The following FHDC1 variants were observed in gnomAD, a reference collection of about 807,000 sequenced individuals.
FHDC1 encodes the protein FH2 domain-containing protein 1.
In FHDC1, 25 loss-of-function variants were observed where a neutral mutation model predicts 52.6. That is an observed-to-expected ratio of 0.48 (90% CI 0.35 to 0.66). The LOEUF is 0.66. FHDC1 is among the 30% of genes least tolerant of loss of function. The pLI, the probability that FHDC1 is intolerant of heterozygous loss-of-function variation, is 0.01. For synonymous variants in FHDC1, 616 were observed against 581.5 expected (o/e 1.06, Z -0.85); for missense variants, 1,459 against 1,452.8 (o/e 1.00, Z -0.07).
the FHDC1 span, among the ~76,000 whole-genome samples, chr4:152,916,799 G>T: frequency 6.6e-6 from 1 of 152,180 alleles, no homozygotes; most frequent in Non-Finnish European, 1.5e-5. Context: ...TGTCAATAAA[G>T]AGTACAGGAC....
rs1030511079 is a variant in FHDC1 at position 152,977,867 on chromosome 4, A to G, written c.*1144A>G. 6.6e-6 allele frequency: 1 copy of G among 152,232 alleles called. No homozygotes were observed. The highest frequency in any genetic ancestry group is 2.4e-5 in the African/African-American group (1 of 41,442). 9.4% of individuals were successfully genotyped at this position (152,232 alleles called of 1,614,324 possible). On this transcript the variant is annotated 3_prime_UTR_variant, in exon 12 of 12. Coordinates refer to ENST00000511601, the MANE Select transcript of FHDC1 (RefSeq NM_001371116.1). Reference sequence around the variant, plus strand: ...CTGGACTTCCCCATAAGCCTTGGGTATCCTGTGATGGGCTGTGTCTCCCTG... The same window carrying G: ...CTGGACTTCCCCATAAGCCTTGGGTGTCCTGTGATGGGCTGTGTCTCCCTG...
chr4:152,963,731 T>C (rs142504558), intron 8 of FHDC1, among the ~76,000 whole-genome samples: 5 of 148,182 alleles, frequency 3.4e-5, no homozygotes, highest in African/African-American at 7.5e-5. Flanking sequence ...ACCATGCTGC[T>C]AGCACAGGGT....
the FHDC1 span, among the ~76,000 whole-genome samples, chr4:152,931,296 G>A: frequency 6.6e-6 from 1 of 152,044 alleles, no homozygotes; most frequent in Non-Finnish European, 1.5e-5. Context: ...AGGTTTGAAT[G>A]TTATAACAGC....
rs775449085 is a variant in FHDC1, at chr4:152,974,925, C to G, written c.1634C>G (p.Pro545Arg). 34 of 1,612,312 alleles carry G rather than the reference C, an allele frequency of 2.1e-5. No individual in the cohort carries two copies. The South Asian group carries it at 3.1e-4, about 15-fold the overall frequency. Residue 545 changes from proline to arginine, a missense_variant, in exon 12 of 12, where the codon CCC becomes CGC. Coordinates refer to ENST00000511601, the MANE Select transcript of FHDC1 (RefSeq NM_001371116.1). ...CGCCGCTCCCGCCTCTCCCTGGGTC[C>G]CTCTGCTGACCGGGAGCTGCTGACC... ...NTRRSRLSLG[P>R]SADRELLTFL...
At chr4:152,960,722 G>T in intron 5 of FHDC1, 22 bp from the exon 6 acceptor site, 1 of 1,611,420 alleles carries the variant, frequency 6.2e-7, no homozygotes, top group Non-Finnish European at 8.5e-7. Flanking sequence ...AAATTCTACA[G>T]TTTTACTTTT....
chr4:152,962,385 C>T (rs1740305483), intron 6 of FHDC1, among the ~76,000 whole-genome samples: 1 of 152,122 alleles, frequency 6.6e-6, no homozygotes, highest in African/African-American at 2.4e-5. Flanking sequence ...CAAAACGTTG[C>T]TTGCTGTTAG....
At chr4:152,948,386 T>C (rs1262348881) in intron 2 of FHDC1, among the ~76,000 whole-genome samples, 2 of 152,112 alleles carry the variant, frequency 1.3e-5, no homozygotes, top group Non-Finnish European at 2.9e-5. Flanking sequence ...AGTAGCCAGA[T>C]TCATAGAGAC....
chr4:152,947,790 T>C (rs1205952567), intron 2 of FHDC1, among the ~76,000 whole-genome samples: 3 of 149,340 alleles, frequency 2.0e-5, no homozygotes, highest in African/African-American at 7.4e-5. Context: ...AAGTGGCTAA[T>C]TAGAAAAAGA....
chr4:152,968,573 C>T (rs959271556), intron 10 of FHDC1, among the ~76,000 whole-genome samples: 1 of 152,154 alleles, frequency 6.6e-6, no homozygotes, highest in South Asian at 2.1e-4. Flanking sequence ...AGGTGATCCG[C>T]ACTCACTGGG....
chr4:152,949,132 A>AGAG (rs1739839098), intron 2 of FHDC1, among the ~76,000 whole-genome samples: 1 of 51,836 alleles, frequency 1.9e-5, no homozygotes. Context: ...AATAAGAAGA[A>AGAG]GAAGAAGAAG....
chr4:152,916,712 A>G, the FHDC1 span, among the ~76,000 whole-genome samples: 1 of 152,146 alleles, frequency 6.6e-6, no homozygotes, highest in Non-Finnish European at 1.5e-5. Context: ...AGATACTACA[A>G]TTTCTCCTCT....
intron 1 of FHDC1, among the ~76,000 whole-genome samples, chr4:152,937,859 G>A (rs1267165433): frequency 6.6e-6 from 1 of 152,184 alleles, no homozygotes; most frequent in Non-Finnish European, 1.5e-5. Flanking sequence ...CGGCCCAGCC[G>A]GTGGCGGCTG....
the FHDC1 span, among the ~76,000 whole-genome samples, chr4:152,929,929 A>G: frequency 1.3e-5 from 2 of 152,146 alleles, no homozygotes; most frequent in Admixed American, 6.5e-5. The surrounding 1 kb of genome is among the most constrained non-coding windows in gnomAD (Gnocchi z 4.1). Flanking sequence ...AAAATTTTCA[A>G]TTCTCCTGAA....
At chr4:152,964,864 T>G in intron 8 of FHDC1, 41 bp from the exon 9 acceptor site, 1 of 1,530,282 alleles carries the variant, frequency 6.5e-7, no homozygotes, top group Non-Finnish European at 8.9e-7. Context: ...TTCCTTCCAG[T>G]TTTATCAACA....
chr4:152,916,335 GC>G, the FHDC1 span, among the ~76,000 whole-genome samples: 1 of 152,090 alleles, frequency 6.6e-6, no homozygotes, highest in African/African-American at 2.4e-5. Context: ...AGGAATGCAT[GC>G]CTAAACTACT....
At chr4:152,914,681 T>C in the FHDC1 span, among the ~76,000 whole-genome samples, 1 of 152,232 alleles carries the variant, frequency 6.6e-6, no homozygotes, top group African/African-American at 2.4e-5. Flanking sequence ...GATACCATTT[T>C]GTCGATTTTA....
intron 1 of FHDC1, among the ~76,000 whole-genome samples, chr4:152,942,106 A>G (rs1272971353): frequency 6.6e-6 from 1 of 152,216 alleles, no homozygotes; most frequent in African/African-American, 2.4e-5. Flanking sequence ...TGACATGGGC[A>G]GCGTGTCCTT....
chr4:152,975,652 G>A lies in FHDC1; in HGVS notation c.2361G>A (p.Glu787=). The change falls in exon 12 of 12, where the codon GAG becomes GAA. Residue 787 remains glutamate (E), a synonymous_variant. Coordinates refer to ENST00000511601, the MANE Select transcript of FHDC1 (RefSeq NM_001371116.1). ...GCTCACTGACCCTGGACTGCTCAGA[G>A]GGAACCGACTCCAGACCCAGAGGCG... ...TDCSLTLDCS[E]GTDSRPRGGD... The A allele has an allele frequency of 6.2e-7, 1 of 1,613,650 alleles. No homozygotes were observed. Among genetic ancestry groups the A allele is most frequent in the Non-Finnish European group, 8.5e-7 (1 of 1,179,986 alleles).
At chr4:152,972,634 T>A (rs984559765) in intron 11 of FHDC1, 93 bp downstream of exon 11, 1 of 1,398,892 alleles carries the variant, frequency 7.1e-7, no homozygotes, top group Non-Finnish European at 9.6e-7. Flanking sequence ...AAAGGCACTT[T>A]GCATCTCCAC....
Sources: gnomAD v4.1 joint callset for allele counts (sites outside exome capture counted in the v4.1 genomes callset) on GRCh38, gnomAD v4.1.1 for gene constraint, Gnocchi (gnomAD v3.1) non-coding constraint, MANE v1.5 for transcripts, NCBI Gene and HGNC (gene_info 2026-07-23, HGNC 2026-07-21) for gene names.